The following MFSD6 variants were observed in gnomAD, a reference collection of about 807,000 sequenced individuals.
MFSD6 encodes major facilitator superfamily domain containing 6, also known as major facilitator superfamily domain-containing protein 6.
MFSD6 carries 26 observed loss-of-function variants against 56.3 expected under a neutral mutation model. The ratio of observed to expected loss-of-function variants is 0.46; its 90% CI spans 0.34 to 0.64. MFSD6 has a LOEUF of 0.64. Among genes scored for constraint, MFSD6 ranks in the 30% least tolerant of loss-of-function variants. The pLI, the probability that MFSD6 is intolerant of heterozygous loss-of-function variation, is 0.01. For synonymous variants in MFSD6, 331 were observed against 366.9 expected, an observed-to-expected ratio of 0.90 and a Z score of 1.12; for missense variants, 750 against 986.2, an observed-to-expected ratio of 0.76 and a Z score of 3.21.
intron 4 of MFSD6, among the ~76,000 whole-genome samples, chr2:190,476,520 A>T (rs998343182): frequency 6.6e-6 from 1 of 152,144 alleles, no homozygotes. Flanking sequence ...TCTCATACCA[A>T]TTAGAATGGC....
intron 4 of MFSD6, among the ~76,000 whole-genome samples, chr2:190,474,436 A>G (rs549982415): frequency 6.6e-6 from 1 of 152,338 alleles, no homozygotes; most frequent in East Asian, 1.9e-4. Flanking sequence ...TACTATAAAC[A>G]CCTCTATGCA....
chr2:190,442,129 G>T (rs994905897), intron 3 of MFSD6, among the ~76,000 whole-genome samples: 1 of 152,070 alleles, frequency 6.6e-6, no homozygotes, highest in Non-Finnish European at 1.5e-5. Context: ...CTTTAAAAAT[G>T]GTTTTTACCA....
chr2:190,427,864 T>C (rs1685831724), intron 2 of MFSD6, among the ~76,000 whole-genome samples: 1 of 152,172 alleles, frequency 6.6e-6, no homozygotes, highest in Non-Finnish European at 1.5e-5. Context: ...CCTGAGTAGC[T>C]GGGCTTACAG....
At chr2:190,450,783 T>C (rs879463929) in intron 3 of MFSD6, among the ~76,000 whole-genome samples, 5 of 152,168 alleles carry the variant, frequency 3.3e-5, no homozygotes, top group Admixed American at 6.5e-5. Context: ...AATGAGCCAT[T>C]GTGCCCAGCC....
Position 190,488,796 on chromosome 2 carries a change from A to G in MFSD6, c.1770A>G (p.Gly590=). The change falls in exon 5 of 8, where the codon GGA becomes GGG. Residue 590 remains glycine, a synonymous_variant. Transcript: ENST00000392328. The surrounding 1 kb of genome is among the most constrained non-coding windows in gnomAD (Gnocchi z 6.4). ...GLGRGCGAMI[G]GVLVNYFGAA... Reference sequence around the variant, plus strand: ...GAAGAGGATGTGGTGCCATGATCGGAGGCGTGTTAGTCAATTATTTTGGTA... The same window carrying G: ...GAAGAGGATGTGGTGCCATGATCGGGGGCGTGTTAGTCAATTATTTTGGTA... 1 of 1,586,950 alleles carries G rather than the reference A, an allele frequency of 6.3e-7. No individual in the cohort carries two copies. Among genetic ancestry groups the G allele is most frequent in the Non-Finnish European group, 8.5e-7 (1 of 1,169,910 alleles).
chr2:190,478,101 T>G (rs766664359), intron 4 of MFSD6, among the ~76,000 whole-genome samples: 11 of 152,190 alleles, frequency 7.2e-5, no homozygotes, highest in Non-Finnish European at 1.5e-4. Flanking sequence ...CTCAGGGATA[T>G]TATCCCAGGA....
rs749101027 is a variant in MFSD6 at position 190,500,048 on chromosome 2, G to T, written c.2206G>T (p.Gly736Cys). 35 of 1,614,060 alleles carry T rather than the reference G, an allele frequency of 2.2e-5. No homozygotes were observed. The highest frequency in any genetic ancestry group is 2.9e-5 in the Non-Finnish European group (34 of 1,180,038). ...TGAGAATAGGGAAAATTCTCCTGCT[G>T]GTAGAGCCCAGCCTGTCCCATGTGA... ...TNENRENSPA[G>C]RAQPVPCETH... Residue 736 changes from glycine to cysteine, a missense_variant, in exon 8 of 8, where the codon GGT becomes TGT. By Grantham distance (159) the Gly-to-Cys change is radical (BLOSUM62 -3). Around this residue, in one of 5 missense-constraint regions of MFSD6, gnomAD observed 172 missense variants for 203.9 expected, o/e 0.84. Transcript: ENST00000392328. The surrounding 1 kb of genome is among the most constrained non-coding windows in gnomAD (Gnocchi z 5.3).
chr2:190,434,904 A>T lies in MFSD6; in HGVS notation c.-53-1073A>T, dbSNP rs551274374. On this transcript the variant is annotated intron_variant, in intron 2 of 7. Coordinates refer to ENST00000392328, the MANE Select transcript of MFSD6 (RefSeq NM_017694.4). This position sits in a 1 kb window ranked among gnomAD's most constrained non-coding sequence, Gnocchi z 4.3. The stretch of plus-strand genomic sequence containing the variant: ...AGAGCGGGCCAGCAAGCATTATCAC[A>T]TGAGCTCTTCCTCCTGTCAGATCAG... Among the ~76,000 whole-genome samples, 1 of 152,316 alleles carries T rather than the reference A, an allele frequency of 6.6e-6. No individual in the cohort carries two copies. Among genetic ancestry groups the T allele is most frequent in the Admixed American group, 6.5e-5 (1 of 15,300 alleles).
Position 190,436,554 on chromosome 2 carries a change from G to A in MFSD6, c.525G>A (p.Gln175=). The part of the protein sequence containing the change: ...PTTHPTNASH[Q]LTILPTNSSF... ...CTCACCCCACCAATGCAAGTCACCA[G>A]TTAACTATCCTGCCAACAAATTCTT... The change falls in exon 3 of 8, where the codon CAG becomes CAA. Residue 175 remains glutamine, a synonymous_variant. Transcript: ENST00000392328. The surrounding 1 kb of genome is among the most constrained non-coding windows in gnomAD (Gnocchi z 5.3). 1 of 1,614,212 alleles carries A rather than the reference G, an allele frequency of 6.2e-7. No individual in the cohort carries two copies. Among genetic ancestry groups the A allele is most frequent in the Non-Finnish European group, 8.5e-7 (1 of 1,180,052 alleles).
At position 190,459,982 on chromosome 2, in the gene MFSD6, T is replaced by A. The variant is rs1345114051; in HGVS notation, c.1533-9776T>A. On this transcript the variant is annotated intron_variant, in intron 3 of 7. Transcript: ENST00000392328. This position sits in a 1 kb window ranked among gnomAD's most constrained non-coding sequence, Gnocchi z 5.3. ...GTGGCCAGTCATACCTGCTGGCTGA[T>A]AGAAGCTTGGTGGCTCCCAGGATCT... 6.6e-6 allele frequency among the ~76,000 whole-genome samples: 1 copy of A among 152,264 alleles called. No individual in the cohort carries two copies. Among genetic ancestry groups the A allele is most frequent in the Non-Finnish European group, 1.5e-5 (1 of 68,038 alleles).
chr2:190,429,187 A>C (rs1685879920), intron 2 of MFSD6, among the ~76,000 whole-genome samples: 2 of 151,510 alleles, frequency 1.3e-5, no homozygotes, highest in African/African-American at 2.4e-5. Flanking sequence ...TATTGATTTT[A>C]AAGAATAAAT....
At chr2:190,476,654 C>T (rs1274811567) in intron 4 of MFSD6, among the ~76,000 whole-genome samples, 2 of 152,174 alleles carry the variant, frequency 1.3e-5, no homozygotes, top group African/African-American at 2.4e-5. Flanking sequence ...GGCGATTCCT[C>T]AGGGATCTAG....
Position 190,410,840 on chromosome 2 carries a change from G to A in MFSD6, c.-176+2337G>A, listed in dbSNP as rs945008546. On this transcript the variant is annotated intron_variant, in intron 1 of 7. Transcript: ENST00000392328. The surrounding 1 kb of genome is among the most constrained non-coding windows in gnomAD (Gnocchi z 4.4). Reference sequence around the variant, plus strand: ...TGGGAGGCCGAGGCAGGTGGATCACGAAGTCAGGAGTTCAAGACCAGCCTG... The same window carrying A: ...TGGGAGGCCGAGGCAGGTGGATCACAAAGTCAGGAGTTCAAGACCAGCCTG... 1.3e-4 allele frequency among the ~76,000 whole-genome samples: 19 copies of A among 146,470 alleles called. No individual in the cohort carries two copies. The highest frequency in any genetic ancestry group is 4.5e-5 in the Non-Finnish European group (3 of 66,518).
At chr2:190,475,512 A>T (rs1022688728) in intron 4 of MFSD6, among the ~76,000 whole-genome samples, 2 of 152,236 alleles carry the variant, frequency 1.3e-5, no homozygotes, top group Non-Finnish European at 2.9e-5. Context: ...AAGGGATATG[A>T]AGGACCTCTT....
Position 190,436,071 on chromosome 2 carries a change from G to A in MFSD6, c.42G>A (p.Glu14=), listed in dbSNP as rs553525643. 45 of 1,613,838 alleles carry A rather than the reference G, an allele frequency of 2.8e-5. No individual in the cohort carries two copies. The South Asian group carries it at 4.2e-4, about 15-fold the overall frequency. ...TTGCTATCTTAACGGATGATGAAGA[G>A]GAACAGAAGAGAAAGTATGTGCTTG... The part of the protein sequence containing the change: ...DKVAILTDDE[E]EQKRKYVLAD... The change falls in exon 3 of 8, where the codon GAG becomes GAA. Residue 14 remains glutamate (E), a synonymous_variant. Coordinates refer to ENST00000392328, the MANE Select transcript of MFSD6 (RefSeq NM_017694.4). This position sits in a 1 kb window ranked among gnomAD's most constrained non-coding sequence, Gnocchi z 5.3.
In MFSD6 at chr2:190,463,403, T is replaced by C. The variant is rs1687429601; in HGVS notation, c.1533-6355T>C. Among the ~76,000 whole-genome samples, 1 of 152,240 alleles carries C rather than the reference T, an allele frequency of 6.6e-6. No homozygotes were observed. The highest frequency in any genetic ancestry group is 6.5e-5 in the Admixed American group (1 of 15,284). ...AGGAGGGCACATCAAGTGCTTGTGC[T>C]GAGCACAGGAGTCTCCACTCTAATC... On this transcript the variant is annotated intron_variant, in intron 3 of 7. Transcript: ENST00000392328. The surrounding 1 kb of genome is among the most constrained non-coding windows in gnomAD (Gnocchi z 4.4).
chr2:190,415,051 T>C lies in MFSD6; in HGVS notation c.-175-241T>C, dbSNP rs1690720250. ...ATTTACCTATTTTCACCATAACTTATTTAACTGTCCTTATTATTGATCACT... is the reference window on the plus strand; with the variant it reads ...ATTTACCTATTTTCACCATAACTTACTTAACTGTCCTTATTATTGATCACT... On this transcript the variant is annotated intron_variant, in intron 1 of 7. Transcript: ENST00000392328. This position sits in a 1 kb window ranked among gnomAD's most constrained non-coding sequence, Gnocchi z 4.5. Among the ~76,000 whole-genome samples the C allele has an allele frequency of 6.6e-6, 1 of 152,236 alleles. No individual in the cohort carries two copies. Among genetic ancestry groups the C allele is most frequent in the Admixed American group, 6.5e-5 (1 of 15,292 alleles).
At chr2:190,435,071 C>CT (rs1365077909) in intron 2 of MFSD6, among the ~76,000 whole-genome samples, 1 of 152,212 alleles carries the variant, frequency 6.6e-6, no homozygotes, top group Non-Finnish European at 1.5e-5. Context: ...ACCAACCCCC[C>CT]TCTCCATCTG....
intron 4 of MFSD6, among the ~76,000 whole-genome samples, chr2:190,483,199 A>G (rs921482678): frequency 6.6e-6 from 1 of 151,930 alleles, no homozygotes; most frequent in Non-Finnish European, 1.5e-5. Context: ...GCCGACTATC[A>G]TCTTTTAAAC....
Sources: allele counts gnomAD v4.1 joint callset (sites outside exome capture counted in the v4.1 genomes callset), GRCh38; gene constraint gnomAD v4.1.1; regional missense constraint gnomAD v4.1.1; non-coding constraint Gnocchi (gnomAD v3.1); transcripts MANE v1.5; gene names NCBI Gene and HGNC (gene_info 2026-07-23, HGNC 2026-07-21).